SHANK2: variants seen among roughly 807,000 people sequenced by gnomAD.
The protein encoded by SHANK2 is SH3 and multiple ankyrin repeat domains protein 2.
SHANK2 carries 43 observed loss-of-function variants against 133.7 expected under a neutral mutation model. The ratio of observed to expected loss-of-function variants is 0.32; its 90% CI spans 0.25 to 0.41. The LOEUF is 0.41. Ranked by LOEUF, SHANK2 falls within the 10% of genes least tolerant of loss-of-function variation. The pLI, the probability that SHANK2 is intolerant of heterozygous loss-of-function variation, is 1.00. For synonymous variants in SHANK2, 1,017 were observed against 952.8 expected (o/e 1.07, Z -1.24); for missense variants, 1,994 against 2,235.8 (o/e 0.89, Z 2.18).
intron 14 of SHANK2, among the ~76,000 whole-genome samples, chr11:70,737,680 G>A (rs899541523): frequency 4.6e-5 from 7 of 152,200 alleles, no homozygotes; most frequent in African/African-American, 1.7e-4. Context: ...TATAGGACGG[G>A]CAGCCCGGGG....
intron 17 of SHANK2, among the ~76,000 whole-genome samples, chr11:70,529,981 C>T (rs539748209): frequency 8.5e-5 from 13 of 152,228 alleles, no homozygotes; most frequent in African/African-American, 1.9e-4. Context: ...TAGGATGGTG[C>T]GGCTGCTATG....
At chr11:70,880,603 A>AG (rs1397196213) in intron 11 of SHANK2, among the ~76,000 whole-genome samples, 1 of 152,252 alleles carries the variant, frequency 6.6e-6, no homozygotes, top group Non-Finnish European at 1.5e-5. Flanking sequence ...CATGGAACAC[A>AG]GAAGTCAAGA....
At chr11:70,679,008 G>T (rs184080271) in intron 15 of SHANK2, among the ~76,000 whole-genome samples, 1 of 152,252 alleles carries the variant, frequency 6.6e-6, no homozygotes, top group Non-Finnish European at 1.5e-5. Context: ...CAGCATGCTC[G>T]CTAGGACAAC....
intron 9 of SHANK2, among the ~76,000 whole-genome samples, chr11:71,066,282 T>C (rs1451912745): frequency 2.7e-5 from 1 of 37,366 alleles, no homozygotes; most frequent in Non-Finnish European, 4.6e-5. Flanking sequence ...CCCACGAAGA[T>C]GAGCAGAGAG....
intron 3 of SHANK2, among the ~76,000 whole-genome samples, chr11:71,144,735 C>T (rs1430467760): frequency 6.6e-5 from 10 of 152,286 alleles, no homozygotes; most frequent in South Asian, 6.2e-4. Flanking sequence ...TTTACCTTCA[C>T]AGATTTAGCT....
At chr11:70,670,104 C>G (rs1944766843) in intron 15 of SHANK2, among the ~76,000 whole-genome samples, 1 of 152,192 alleles carries the variant, frequency 6.6e-6, no homozygotes, top group Non-Finnish European at 1.5e-5. Context: ...CACAGAGAGA[C>G]TGGGTGGTGC....
At chr11:70,921,809 T>C (rs936094969) in intron 10 of SHANK2, among the ~76,000 whole-genome samples, 15 of 152,174 alleles carry the variant, frequency 9.9e-5, no homozygotes, top group African/African-American at 3.6e-4. Context: ...GAAATGATAA[T>C]CCTCTCTGAA....
chr11:70,473,710 G>A lies in SHANK2; in HGVS notation c.4980-271C>T. 1.9e-6 allele frequency: 1 copy of A among 537,438 alleles called. No individual in the cohort carries two copies. The highest frequency in any genetic ancestry group is 3.4e-6 in the Non-Finnish European group (1 of 289,896). 33.3% of individuals were successfully genotyped at this position (537,438 alleles called of 1,614,324 possible). A position where few individuals can be genotyped will look rare whatever the true frequency, so the allele number is the denominator to read the frequency against. On this transcript the variant is annotated intron_variant, in intron 25 of 25. Coordinates refer to ENST00000601538, the MANE Select transcript of SHANK2 (RefSeq NM_012309.5). The surrounding 1 kb of genome is among the most constrained non-coding windows in gnomAD (Gnocchi z 5.9). ...GCTGGGGGACCTGCCTGTGCTGGGGGGAGCACACCACGTCAGCCCACTCAC... is the reference window on the plus strand; with the variant it reads ...GCTGGGGGACCTGCCTGTGCTGGGGAGAGCACACCACGTCAGCCCACTCAC...
intron 2 of SHANK2, among the ~76,000 whole-genome samples, chr11:71,182,143 CAA>C (rs541188589): frequency 1.4e-5 from 2 of 143,284 alleles, no homozygotes; most frequent in Admixed American, 7.0e-5. Flanking sequence ...CTTCTTTAGG[CAA>C]AAAAAAAAAA....
At chr11:70,528,044 C>T (rs553562363) in intron 17 of SHANK2, among the ~76,000 whole-genome samples, 1 of 152,358 alleles carries the variant, frequency 6.6e-6, no homozygotes, top group East Asian at 1.9e-4. Flanking sequence ...ACTCTCATGA[C>T]CGTCCTCCCA....
intron 17 of SHANK2, chr11:70,604,039 T>A (rs1420176668): frequency 6.6e-6 from 1 of 152,152 alleles, no homozygotes; most frequent in African/African-American, 2.4e-5. Flanking sequence ...AGTGCCTGTG[T>A]GCAGAGCCAG....
rs1555098796 is a variant in SHANK2 at position 71,109,956 on chromosome 11, C to G, written c.577G>C (p.Asp193His). 6.4e-7 allele frequency: 1 copy of G among 1,551,138 alleles called. No individual in the cohort carries two copies. Among genetic ancestry groups the G allele is most frequent in the Non-Finnish European group, 8.7e-7 (1 of 1,146,492 alleles). The change falls in exon 6 of 26, where the codon GAC (aspartate) becomes CAC (histidine). Residue 193 changes from aspartate (D) to histidine (H), a missense_variant. Around this residue, in one of 5 missense-constraint regions of SHANK2, gnomAD observed 653 missense variants for 563.4 expected, o/e 1.16. Coordinates refer to ENST00000601538, the MANE Select transcript of SHANK2 (RefSeq NM_012309.5). ...AAGTGCTCACCTCCGGTCTCCGGGT[C>G]GTGGAAATTGGGATCCAGGCCTCGG... ...LDRGLDPNFH[D>H]PETGETPLTL...
intron 15 of SHANK2, among the ~76,000 whole-genome samples, chr11:70,680,047 C>T (rs935889770): frequency 1.2e-4 from 18 of 152,136 alleles, no homozygotes; most frequent in South Asian, 2.1e-4. Flanking sequence ...CTGAGAGAGG[C>T]GGCATTTCCT....
chr11:70,551,462 C>T (rs1451952123), intron 17 of SHANK2, among the ~76,000 whole-genome samples: 7 of 152,280 alleles, frequency 4.6e-5, no homozygotes, highest in Admixed American at 3.3e-4. Context: ...ACCTGACTTT[C>T]GCCCCAGCAT....
rs76428737 is a variant in SHANK2 at position 70,843,735 on chromosome 11, C to A, written c.1175-23053G>T. Among the ~76,000 whole-genome samples, 1,027 of 152,090 alleles carry A rather than the reference C, an allele frequency of 6.8e-3. 15 individuals carry two copies. Among genetic ancestry groups the A allele is most frequent in the African/African-American group, 0.024 (995 of 41,482 alleles). On this transcript the variant is annotated intron_variant, in intron 11 of 25. Transcript: ENST00000601538. ...GGCCTGCTGTTGAATGCCCCCCAGC[C>A]CACCTGCAGGGCTCTCTGCACACGG...
At chr11:70,741,250 T>TCCAC (rs1946519182) in intron 14 of SHANK2, among the ~76,000 whole-genome samples, 1 of 144,592 alleles carries the variant, frequency 6.9e-6, no homozygotes, top group Non-Finnish European at 1.6e-5. Context: ...CATCCATCCA[T>TCCAC]CCATCCATCC....
intron 2 of SHANK2, among the ~76,000 whole-genome samples, chr11:71,181,822 C>T (rs1269404382): frequency 1.3e-5 from 2 of 150,948 alleles, no homozygotes; most frequent in African/African-American, 4.9e-5. Flanking sequence ...AGGTTCCCAG[C>T]CCCCCCTCCC....
chr11:70,674,631 G>A (rs1944875693), intron 15 of SHANK2, among the ~76,000 whole-genome samples: 1 of 152,236 alleles, frequency 6.6e-6, no homozygotes, highest in Non-Finnish European at 1.5e-5. Flanking sequence ...TTAGAGGCGT[G>A]AGCCACAATG....
intron 12 of SHANK2, among the ~76,000 whole-genome samples, chr11:70,819,673 G>A (rs1444919205): frequency 6.6e-6 from 1 of 152,144 alleles, no homozygotes; most frequent in Non-Finnish European, 1.5e-5. Context: ...TGCTGCCCAT[G>A]TCCTTGTCTA....
Sources: gnomAD v4.1 joint callset for allele counts (sites outside exome capture counted in the v4.1 genomes callset) on GRCh38, gnomAD v4.1.1 for gene constraint, gnomAD v4.1.1 regional missense constraint, Gnocchi (gnomAD v3.1) non-coding constraint, MANE v1.5 for transcripts, NCBI Gene and HGNC (gene_info 2026-07-23, HGNC 2026-07-21) for gene names.